ASB3: variants seen among roughly 807,000 people sequenced by gnomAD.
ASB3 encodes ankyrin repeat and SOCS box containing 3.
ASB3 carries 41 observed loss-of-function variants against 54.5 expected under a neutral mutation model. That is an observed-to-expected ratio of 0.75 (90% CI 0.59 to 0.98). The LOEUF (loss-of-function observed/expected upper bound fraction) is 0.98, where lower values mean the gene tolerates loss of function less well. Ranked by LOEUF, ASB3 falls within the 50% of genes least tolerant of loss-of-function variation. The pLI is 0.00. For synonymous variants in ASB3, 266 were observed against 221.2 expected (o/e 1.20, Z -1.80); for missense variants, 733 against 620.0 (o/e 1.18, Z -1.94).
Position 53,670,039 on chromosome 2 carries a change from G to A in ASB3, c.*464C>T, listed in dbSNP as rs1667739440. On this transcript the variant is annotated 3_prime_UTR_variant, in exon 10 of 10. Transcript: ENST00000263634. ...AGTCAAGTCTAAATAAAATAATAAT[G>A]ATAATAATAACAGATTCTACACCAC... is the stretch of plus-strand genomic sequence containing the variant. 1 of 147,762 alleles carries A rather than the reference G, an allele frequency of 6.8e-6. No homozygotes were observed. Among genetic ancestry groups the A allele is most frequent in the Non-Finnish European group, 1.5e-5 (1 of 66,988 alleles). 9.2% of individuals were successfully genotyped at this position (147,762 alleles called of 1,614,324 possible).
At chr2:53,673,368 T>G (rs1667918207) in intron 9 of ASB3, among the ~76,000 whole-genome samples, 1 of 152,096 alleles carries the variant, frequency 6.6e-6, no homozygotes, top group African/African-American at 2.4e-5. Flanking sequence ...CTTCTCAGAG[T>G]GGACAGACTA....
chr2:53,697,328 C>T (rs1669239369), intron 8 of ASB3, among the ~76,000 whole-genome samples: 1 of 152,200 alleles, frequency 6.6e-6, no homozygotes, highest in Admixed American at 6.5e-5. Flanking sequence ...CCTTGTTTAG[C>T]ATGTAATCAA....
chr2:53,785,779 T>C (rs919292372), intron 1 of ASB3, among the ~76,000 whole-genome samples: 5 of 151,664 alleles, frequency 3.3e-5, no homozygotes, highest in East Asian at 1.9e-4. Context: ...GAGGCGGAGG[T>C]TGCAGTGAGC....
chr2:53,697,135 T>C (rs996875801), intron 8 of ASB3, among the ~76,000 whole-genome samples: 2 of 152,202 alleles, frequency 1.3e-5, no homozygotes, highest in African/African-American at 2.4e-5. Flanking sequence ...GTCATCCTCA[T>C]TGTTCATTAT....
At chr2:53,741,390 A>G (rs979215744) in intron 3 of ASB3, among the ~76,000 whole-genome samples, 14 of 152,262 alleles carry the variant, frequency 9.2e-5, no homozygotes, top group Admixed American at 7.8e-4. Flanking sequence ...ATCAGTCCTC[A>G]ACAAGGTAAG....
intron 8 of ASB3, among the ~76,000 whole-genome samples, chr2:53,699,258 A>T (rs186235260): frequency 1.6e-4 from 25 of 152,228 alleles, no homozygotes; most frequent in Non-Finnish European, 2.9e-4. Flanking sequence ...TTACCTCCCA[A>T]ATATCTCACC....
At chr2:53,772,140 GACA>G (rs1343598022) in intron 1 of ASB3, among the ~76,000 whole-genome samples, 2 of 152,014 alleles carry the variant, frequency 1.3e-5, no homozygotes, top group East Asian at 1.9e-4. Flanking sequence ...GTGCAAGGTA[GACA>G]ACAACGTACA....
chr2:53,716,990 G>C (rs558984991), intron 5 of ASB3, among the ~76,000 whole-genome samples: 50 of 152,294 alleles, frequency 3.3e-4, no homozygotes, highest in Non-Finnish European at 6.3e-4. Flanking sequence ...GCTGTGGCCA[G>C]AGGATTGCTT....
intron 7 of ASB3, among the ~76,000 whole-genome samples, chr2:53,707,315 C>T (rs2103798655): frequency 6.6e-6 from 1 of 152,278 alleles, no homozygotes; most frequent in East Asian, 1.9e-4. Flanking sequence ...TGTGGATCAG[C>T]AGCATTGGCA....
intron 7 of ASB3, among the ~76,000 whole-genome samples, chr2:53,703,629 T>C (rs1053636548): frequency 4.6e-5 from 7 of 152,264 alleles, no homozygotes; most frequent in Admixed American, 3.9e-4. Flanking sequence ...AATCCAAAGC[T>C]GTTATTTATC....
intron 5 of ASB3, among the ~76,000 whole-genome samples, chr2:53,726,434 G>T (rs950622416): frequency 5.3e-5 from 8 of 151,034 alleles, no homozygotes; most frequent in African/African-American, 1.7e-4. Flanking sequence ...CTAATTTTTT[G>T]TATTTTAATA....
intron 7 of ASB3, among the ~76,000 whole-genome samples, chr2:53,706,547 G>A (rs1051640694): frequency 1.3e-5 from 2 of 152,034 alleles, no homozygotes; most frequent in Admixed American, 6.5e-5. Flanking sequence ...CCCGGTTCAC[G>A]CCATTCTACC....
At chr2:53,708,213 G>C (rs1669896877) in intron 7 of ASB3, among the ~76,000 whole-genome samples, 1 of 152,026 alleles carries the variant, frequency 6.6e-6, no homozygotes, top group Non-Finnish European at 1.5e-5. Flanking sequence ...GTTCTTGTGA[G>C]AGCTAGTTGT....
chr2:53,762,775 T>A (rs900220467), intron 2 of ASB3, among the ~76,000 whole-genome samples: 7 of 152,138 alleles, frequency 4.6e-5, no homozygotes, highest in Non-Finnish European at 1.0e-4. Flanking sequence ...TCTGTGCTAA[T>A]ATGTTAAACA....
chr2:53,693,844 G>A (rs542189565), intron 9 of ASB3, 40 bp downstream of exon 9: 2 of 1,590,916 alleles, frequency 1.3e-6, no homozygotes, highest in Admixed American at 3.4e-5. Flanking sequence ...GCAAGAGAAG[G>A]AAAAGTAGTG....
At chr2:53,754,172 A>G (rs1435746324) in intron 2 of ASB3, among the ~76,000 whole-genome samples, 1 of 152,218 alleles carries the variant, frequency 6.6e-6, no homozygotes, top group Non-Finnish European at 1.5e-5. Flanking sequence ...AATAAATTAC[A>G]TTGTATTGGA....
intron 2 of ASB3, among the ~76,000 whole-genome samples, chr2:53,754,425 AT>A (rs1473763539): frequency 2.0e-5 from 3 of 152,194 alleles, no homozygotes; most frequent in South Asian, 2.1e-4. Flanking sequence ...CTCCTGTGTG[AT>A]TATATATGAA....
At chr2:53,686,383 A>G (rs1336193476) in intron 9 of ASB3, among the ~76,000 whole-genome samples, 1 of 151,838 alleles carries the variant, frequency 6.6e-6, no homozygotes. Context: ...TGCCCCCAAC[A>G]CCCTCCTCAG....
At chr2:53,734,998 C>T (rs1671540940) in intron 3 of ASB3, among the ~76,000 whole-genome samples, 1 of 147,298 alleles carries the variant, frequency 6.8e-6, no homozygotes, top group Non-Finnish European at 1.5e-5. Context: ...TGGCTCACTA[C>T]AACCTCCACC....
Sources: gnomAD v4.1 joint callset for allele counts (sites outside exome capture counted in the v4.1 genomes callset) on GRCh38, gnomAD v4.1.1 for gene constraint, MANE v1.5 for transcripts, NCBI Gene and HGNC (gene_info 2026-07-23, HGNC 2026-07-21) for gene names.